ATN1: variants seen among roughly 807,000 people sequenced by gnomAD.
The protein encoded by ATN1 is atrophin 1, also known as atrophin-1.
Under a neutral mutation model 85.8 loss-of-function variants are expected in ATN1, and 19 were observed. The ratio of observed to expected loss-of-function variants is 0.22; its 90% CI spans 0.15 to 0.32. The LOEUF (loss-of-function observed/expected upper bound fraction) is 0.32. ATN1 is among the 10% of genes least tolerant of loss of function. ATN1 has a pLI of 1.00. For missense variants in ATN1, 1,453 were observed against 1,564.5 expected (o/e 0.93, Z 1.20); for synonymous variants, 674 against 657.0 (o/e 1.03, Z -0.39).
In ATN1 at chr12:6,936,744, C is replaced by CAGCAGCAGCAGCAGCAGCAGCAGG; in HGVS notation, c.1500_1501insGAGCAGCAGCAGCAGCAGCAGCAG (p.Gln500_Gln501insGluGlnGlnGlnGlnGlnGlnGln). The stretch of plus-strand genomic sequence containing the variant: ...GCAACAGCAACAGCAGCAGCAGCAG[C>CAGCAGCAGCAGCAGCAGCAGCAGG]AGCAGCAGCAGCAGCAGCAGCAGCA... On this transcript the variant is annotated inframe_insertion, in exon 5 of 10. Transcript: ENST00000396684. The CAGCAGCAGCAGCAGCAGCAGCAGG allele has an allele frequency of 1.8e-6, 2 of 1,105,002 alleles. No individual in the cohort carries two copies. The allele number at this position is 1,105,002 out of a possible 1,614,324, so 68.4% of individuals were successfully genotyped here.
At chr12:6,930,795 C>T (rs1213808805) in intron 1 of ATN1, among the ~76,000 whole-genome samples, 4 of 140,572 alleles carry the variant, frequency 2.8e-5, no homozygotes, top group Admixed American at 7.0e-5. Context: ...AGTGAGACTC[C>T]GTCTCAATAA....
Position 6,936,431 on chromosome 12 carries a change from C to G in ATN1, c.1164C>G (p.Ser388=), listed in dbSNP as rs1430918498. The change falls in exon 5 of 10, where the codon TCC becomes TCG. Residue 388 remains serine, a synonymous_variant. Transcript: ENST00000396684. Reference sequence around the variant, plus strand: ...GTAGCTCTGCAGCAGCCTCCTCTTCCAGTTCTTCCTCCTCTTCCTCTGCCT... The same window carrying G: ...GTAGCTCTGCAGCAGCCTCCTCTTCGAGTTCTTCCTCCTCTTCCTCTGCCT... The part of the protein sequence containing the change: ...SSSSSAAASS[S]SSSSSSSASP... 1.2e-6 allele frequency: 2 copies of G among 1,612,552 alleles called. No homozygotes were observed. The highest frequency in any genetic ancestry group is 4.5e-5 in the East Asian group (2 of 44,854).
Position 6,934,470 on chromosome 12 carries a change from C to A in ATN1, c.171C>A (p.Ala57=). 6.3e-7 allele frequency: 1 copy of A among 1,592,826 alleles called. No individual in the cohort carries two copies. The highest frequency in any genetic ancestry group is 2.3e-5 in the East Asian group (1 of 43,430). ...TTTCTCTTTCTCTCTAACAGAAGGCCCGAGTAGAGGAAGCCTCCACCCCAA... is the reference window on the plus strand; with the variant it reads ...TTTCTCTTTCTCTCTAACAGAAGGCACGAGTAGAGGAAGCCTCCACCCCAA... ...AEKSRQTAKK[A]RVEEASTPKV... Residue 57 remains alanine (A), a synonymous_variant, in exon 4 of 10, where the codon GCC becomes GCA. Transcript: ENST00000396684. This position sits in a 1 kb window ranked among gnomAD's most constrained non-coding sequence, Gnocchi z 4.5.
rs782132501 is a variant in ATN1, at chr12:6,936,385, T to C, written c.1118T>C (p.Phe373Ser). 1.2e-6 allele frequency: 2 copies of C among 1,613,482 alleles called. No individual in the cohort carries two copies. The highest frequency in any genetic ancestry group is 3.3e-5 in the Admixed American group (2 of 59,972). Reference sequence around the variant, plus strand: ...TCTGCTCCAGCGCCCCCCATGAGGTTTCCTTATTCATCCTCTAGTAGTAGC... The same window carrying C: ...TCTGCTCCAGCGCCCCCCATGAGGTCTCCTTATTCATCCTCTAGTAGTAGC... The part of the protein sequence containing the change: ...SSSAPAPPMR[F>S]PYSSSSSSSA... Residue 373 changes from phenylalanine (F) to serine (S), a missense_variant, in exon 5 of 10, where the codon TTT (phenylalanine) becomes TCT (serine). Physicochemically the swap from Phe to Ser is radical, Grantham distance 155. This residue lies in a region of ATN1 where 990 missense variants were observed against 914.8 expected (regional missense o/e 1.08). Coordinates refer to ENST00000396684, the MANE Select transcript of ATN1 (RefSeq NM_001940.4).
At position 6,942,069 on chromosome 12, in the gene ATN1, C is replaced by G. The variant is rs1591669066; in HGVS notation, c.*289C>G. The G allele has an allele frequency of 5.9e-6, 3 of 510,074 alleles. No homozygotes were observed. The highest frequency in any genetic ancestry group is 1.1e-5 in the Non-Finnish European group (3 of 281,420). 31.6% of individuals were successfully genotyped at this position (510,074 alleles called of 1,614,324 possible). On this transcript the variant is annotated 3_prime_UTR_variant, in exon 10 of 10. Coordinates refer to ENST00000396684, the MANE Select transcript of ATN1 (RefSeq NM_001940.4). ...TGCTTTTCTCCTCCCCCATGCCCAACCCCTGTGGCCGCCGCCCCTCCCCTG... is the reference window on the plus strand; with the variant it reads ...TGCTTTTCTCCTCCCCCATGCCCAAGCCCTGTGGCCGCCGCCCCTCCCCTG...
At position 6,934,058 on chromosome 12, in the gene ATN1, A is replaced by T. The variant is rs782785698; in HGVS notation, c.27+30A>T. On this transcript the variant is annotated intron_variant, in intron 2 of 9. Coordinates refer to ENST00000396684, the MANE Select transcript of ATN1 (RefSeq NM_001940.4). This position sits in a 1 kb window ranked among gnomAD's most constrained non-coding sequence, Gnocchi z 4.5. ...GTTAAAATGAGAGACATGAAAGATG[A>T]GGGGCGGGGCAGGCAAGCTAGGAGG... 3.7e-6 allele frequency: 6 copies of T among 1,610,212 alleles called. No individual in the cohort carries two copies. In the East Asian group the frequency reaches 1.3e-4, roughly 36 times the overall value.
At chr12:6,929,277 T>A (rs1435175401) in intron 1 of ATN1, among the ~76,000 whole-genome samples, 1 of 152,118 alleles carries the variant, frequency 6.6e-6, no homozygotes, top group Non-Finnish European at 1.5e-5. Flanking sequence ...CCCTCCAATT[T>A]CCGGAGCGTC....
intron 1 of ATN1, among the ~76,000 whole-genome samples, chr12:6,932,998 C>A (rs1477934709): frequency 1.3e-5 from 2 of 152,166 alleles, no homozygotes; most frequent in Non-Finnish European, 1.5e-5. Flanking sequence ...TTTGAAGTCA[C>A]CGACATGGGT....
At chr12:6,938,353 C>A in intron 6 of ATN1, 128 bp from the exon 7 acceptor site, 1 of 1,371,900 alleles carries the variant, frequency 7.3e-7, no homozygotes. Flanking sequence ...AGTTAAGTTC[C>A]AGGTGGGCAG....
In ATN1 at chr12:6,936,773, G is replaced by T. The variant is rs146459577; in HGVS notation, c.1506G>T (p.Gln502His). Residue 502 changes from glutamine (Q) to histidine (H), a missense_variant, in exon 5 of 10, where the codon CAG (glutamine) becomes CAT (histidine). Physicochemically the swap from Gln to His is conservative, Grantham distance 24. Around this residue, in one of 6 missense-constraint regions of ATN1, gnomAD observed 990 missense variants for 914.8 expected, o/e 1.08. Transcript: ENST00000396684. ...AGCAGCAGCAGCAGCAGCAGCAGCA[G>T]CATCACGGAAACTCTGGGCCCCCTC... ...QQQQQQQQQQ[Q>H]HHGNSGPPPP... 11 of 1,590,358 alleles carry T rather than the reference G, an allele frequency of 6.9e-6. No individual in the cohort carries two copies. The highest frequency in any genetic ancestry group is 3.4e-5 in the South Asian group (3 of 89,186).
At chr12:6,926,501 G>A (rs1192836506), upstream of ATN1, among the ~76,000 whole-genome samples, 4 of 149,090 alleles carry the variant, frequency 2.7e-5, no homozygotes, top group East Asian at 7.8e-4. Flanking sequence ...TTGAGACGGC[G>A]TCTCGCTCTG....
chr12:6,935,742 T>C lies in ATN1; in HGVS notation c.475T>C (p.Tyr159His). Residue 159 changes from tyrosine (Y) to histidine (H), a missense_variant, in exon 5 of 10, where the codon TAC (tyrosine) becomes CAC (histidine). Coordinates refer to ENST00000396684, the MANE Select transcript of ATN1 (RefSeq NM_001940.4). This position sits in a 1 kb window ranked among gnomAD's most constrained non-coding sequence, Gnocchi z 5.3. ...CCTGTCCCAGGGCCCAGCCCGCCCCTACCACCCACCTCCACTCTTTCCTCC... is the reference window on the plus strand; with the variant it reads ...CCTGTCCCAGGGCCCAGCCCGCCCCCACCACCCACCTCCACTCTTTCCTCC... ...SGLSQGPARP[Y>H]HPPPLFPPSP... is the part of the protein sequence containing the mutation. 1.9e-6 allele frequency: 3 copies of C among 1,608,450 alleles called. No homozygotes were observed. Among genetic ancestry groups the C allele is most frequent in the Non-Finnish European group, 2.6e-6 (3 of 1,175,962 alleles).
chr12:6,940,833 C>T (rs1555144521), intron 7 of ATN1, 47 bp from the exon 8 acceptor site: 2 of 1,612,690 alleles, frequency 1.2e-6, no homozygotes, highest in Admixed American at 1.7e-5. Context: ...GCATGGTTTG[C>T]CCCAAACCTG....
rs781958543 is a variant in ATN1 at position 6,941,041 on chromosome 12, G to A, written c.3358+18G>A. ...GCTCTTTGGTAAGGATGGAAGTTGG[G>A]GTAGGCAGCTCCAATGAGAAAAGGG... On this transcript the variant is annotated intron_variant, in intron 8 of 9. Transcript: ENST00000396684. This position sits in a 1 kb window ranked among gnomAD's most constrained non-coding sequence, Gnocchi z 5.9. 2.5e-6 allele frequency: 4 copies of A among 1,613,634 alleles called. No individual in the cohort carries two copies. The highest frequency in any genetic ancestry group is 2.2e-5 in the South Asian group (2 of 91,044).
At position 6,938,024 on chromosome 12, in the gene ATN1, AAG is replaced by A; in HGVS notation, c.2477_2478del (p.Glu826AlafsTer10). ...CGCGAGCGCGAGCGGGAACGCGAGA[AAG>A]AGCGCGAGCGCGAGAAGGAGCGCGA... On this transcript the variant is annotated frameshift_variant, in exon 6 of 10. Transcript: ENST00000396684. LOFTEE classifies it high-confidence loss of function. The A allele has an allele frequency of 6.5e-7, 1 of 1,546,480 alleles. No homozygotes were observed. The highest frequency in any genetic ancestry group is 1.2e-5 in the South Asian group (1 of 83,924).
rs782706688 is a variant in ATN1 at position 6,934,188 on chromosome 12, A to G, written c.40A>G (p.Ser14Gly). The G allele has an allele frequency of 1.2e-6, 2 of 1,607,750 alleles. No individual in the cohort carries two copies. The highest frequency in any genetic ancestry group is 1.7e-6 in the Non-Finnish European group (2 of 1,178,414). Residue 14 changes from serine (S) to glycine (G), a missense_variant, in exon 3 of 10, where the codon AGT becomes GGT. By Grantham distance (56) the Ser-to-Gly change is moderately conservative. Coordinates refer to ENST00000396684, the MANE Select transcript of ATN1 (RefSeq NM_001940.4). The surrounding 1 kb of genome is among the most constrained non-coding windows in gnomAD (Gnocchi z 4.5). ...RQNKDSMSMR[S>G]GRKKEAPGPR... The stretch of plus-strand genomic sequence containing the variant: ...CCTCCTCCTGTAGATGTCAATGAGG[A>G]GTGGACGGAAGAAAGAGGCCCCTGG...
intron 1 of ATN1, among the ~76,000 whole-genome samples, chr12:6,931,254 A>T (rs1453786869): frequency 6.6e-6 from 1 of 151,904 alleles, no homozygotes; most frequent in Non-Finnish European, 1.5e-5. Context: ...TACACCAATC[A>T]CAAATAGTCA....
At chr12:6,938,100 T>C (rs943916736) in intron 6 of ATN1, 33 bp downstream of exon 6, 69 of 1,520,758 alleles carry the variant, frequency 4.5e-5, no homozygotes, top group Non-Finnish European at 5.9e-5. Context: ...CACCGCCTTC[T>C]TTCCCTCTTT....
rs185537362 is a variant in ATN1 at position 6,941,326 on chromosome 12, G to A, written c.3359-48G>A. ...CTGGCTATCCCCTGGTCCAGAGCAGGTACTTGTTATCCGTTGGTCATATGC... is the reference window on the plus strand; with the variant it reads ...CTGGCTATCCCCTGGTCCAGAGCAGATACTTGTTATCCGTTGGTCATATGC... On this transcript the variant is annotated intron_variant, in intron 8 of 9. Transcript: ENST00000396684. The surrounding 1 kb of genome is among the most constrained non-coding windows in gnomAD (Gnocchi z 5.9). 3,718 of 1,543,240 alleles carry A rather than the reference G, an allele frequency of 2.4e-3. 101 individuals carry two copies. The South Asian group carries it at 0.037, about 16-fold the overall frequency.
Sources: gnomAD v4.1 joint callset for allele counts (sites outside exome capture counted in the v4.1 genomes callset) on GRCh38, gnomAD v4.1.1 for gene constraint, gnomAD v4.1.1 regional missense constraint, Gnocchi (gnomAD v3.1) non-coding constraint, MANE v1.5 for transcripts, NCBI Gene and HGNC (gene_info 2026-07-23, HGNC 2026-07-21) for gene names.